The following ECHDC2 variants were observed in gnomAD, a reference collection of about 807,000 sequenced individuals.
ECHDC2 encodes enoyl-CoA hydratase domain-containing protein 2, mitochondrial.
Under a neutral mutation model 40.6 loss-of-function variants are expected in ECHDC2, and 34 were observed. That is an observed-to-expected ratio of 0.84 (90% CI 0.64 to 1.11). The LOEUF is 1.11. Among genes scored for constraint, ECHDC2 ranks in the 50% most tolerant of loss-of-function variants. The pLI is 0.00. For synonymous variants in ECHDC2, 162 were observed against 166.6 expected (o/e 0.97, Z 0.21); for missense variants, 392 against 400.7 (o/e 0.98, Z 0.19).
rs1646639485 is a variant in ECHDC2 at position 52,896,473 on chromosome 1, C to G, written c.*47G>C. On this transcript the variant is annotated 3_prime_UTR_variant, in exon 10 of 10. Transcript: ENST00000371522. ...TGGCCACAAATCTTCCTTCTGGATC[C>G]TGCTCTTCAGGGCATGCATCTCCCA... 1.4e-6 allele frequency: 2 copies of G among 1,471,874 alleles called. No individual in the cohort carries two copies. Among genetic ancestry groups the G allele is most frequent in the East Asian group, 4.5e-5 (2 of 44,198 alleles). The allele number at this position is 1,471,874 out of a possible 1,614,324, so 91.2% of individuals were successfully genotyped here.
chr1:52,917,555 C>A, intron 1 of ECHDC2: 1 of 456,040 alleles, frequency 2.2e-6, no homozygotes, highest in Non-Finnish European at 4.4e-6. Context: ...TTCAAATGAG[C>A]CCATGGGTAG....
intron 1 of ECHDC2, chr1:52,917,507 C>T (rs549387248): frequency 4.4e-6 from 2 of 453,768 alleles, no homozygotes; most frequent in South Asian, 1.6e-5. Context: ...GGAGCCAAGT[C>T]AGGGCACAGC....
At chr1:52,919,104 G>A (rs1462733758) in intron 1 of ECHDC2, among the ~76,000 whole-genome samples, 1 of 152,114 alleles carries the variant, frequency 6.6e-6, no homozygotes, top group African/African-American at 2.4e-5. Context: ...GATGATCTGA[G>A]GTGGAACAGT....
intron 3 of ECHDC2, among the ~76,000 whole-genome samples, chr1:52,910,631 A>C (rs1020279856): frequency 6.6e-6 from 1 of 152,118 alleles, no homozygotes; most frequent in African/African-American, 2.4e-5. Context: ...GGCCTCCCAA[A>C]GTGCTGGGAT....
At chr1:52,897,268 G>T in intron 9 of ECHDC2, 169 bp downstream of exon 9, 1 of 692,510 alleles carries the variant, frequency 1.4e-6, no homozygotes, top group East Asian at 2.6e-5. Context: ...CCAGAGAGAA[G>T]CACTATGGCT....
At chr1:52,905,305 G>A in intron 5 of ECHDC2, 2 of 582,408 alleles carry the variant, frequency 3.4e-6, no homozygotes. Flanking sequence ...CTTTGATGGA[G>A]TTGTAAGTCA....
Position 52,899,235 on chromosome 1 carries a change from G to A in ECHDC2, c.703-11C>T, listed in dbSNP as rs1275518085. 23 of 1,610,386 alleles carry A rather than the reference G, an allele frequency of 1.4e-5. No individual in the cohort carries two copies. Among genetic ancestry groups the A allele is most frequent in the Non-Finnish European group, 1.9e-5 (23 of 1,179,640 alleles). Reference sequence around the variant, plus strand: ...CACGGCAATGGGGGCCTAGGGAAAAGCAAAAAGTCTTGGTTGAGGAGGGCA... The same window carrying A: ...CACGGCAATGGGGGCCTAGGGAAAAACAAAAAGTCTTGGTTGAGGAGGGCA... On this transcript the variant is annotated splice_polypyrimidine_tract_variant and intron_variant, in intron 7 of 9. Coordinates refer to ENST00000371522, the MANE Select transcript of ECHDC2 (RefSeq NM_001198961.2).
rs771664696 is a variant in ECHDC2, at chr1:52,911,628, C to A, written c.215G>T (p.Arg72Leu). 1 of 1,614,156 alleles carries A rather than the reference C, an allele frequency of 6.2e-7. No homozygotes were observed. The highest frequency in any genetic ancestry group is 8.5e-7 in the Non-Finnish European group (1 of 1,180,028). ...CAGGACACGCACTTGCCGGTCCTCC[C>A]GCAGCTGGGCCAGAGTTTCCAGCAG... ...SELLETLAQL[R>L]EDRQVRVLLF... The change falls in exon 3 of 10, where the codon CGG becomes CTG. Residue 72 changes from arginine (R) to leucine (L), a missense_variant. Transcript: ENST00000371522.
intron 1 of ECHDC2, among the ~76,000 whole-genome samples, chr1:52,916,055 C>G (rs780291552): frequency 6.6e-6 from 1 of 152,148 alleles, no homozygotes; most frequent in Non-Finnish European, 1.5e-5. Context: ...AGATCTTTCC[C>G]GTCAAGCCTG....
At chr1:52,908,146 G>A (rs1462339554) in intron 3 of ECHDC2, among the ~76,000 whole-genome samples, 192 bp from the exon 4 acceptor site, 1 of 152,210 alleles carries the variant, frequency 6.6e-6, no homozygotes, top group Non-Finnish European at 1.5e-5. Context: ...CTGCAGAAAG[G>A]TGAACTGGAC....
rs899036136 is a variant in ECHDC2 at position 52,896,355 on chromosome 1, C to G, written c.*165G>C. ...GTAGCAGTAGGTGGTAGGATCAGCA[C>G]CTTGGTTCCAGGCATCACGCCAGTC... On this transcript the variant is annotated 3_prime_UTR_variant, in exon 10 of 10. Transcript: ENST00000371522. The G allele has an allele frequency of 1.5e-6, 1 of 649,566 alleles. No individual in the cohort carries two copies. Among genetic ancestry groups the G allele is most frequent in the African/African-American group, 1.8e-5 (1 of 55,798 alleles). 40.2% of individuals were successfully genotyped at this position (649,566 alleles called of 1,614,324 possible).
intron 1 of ECHDC2, chr1:52,915,380 C>T: frequency 2.2e-6 from 1 of 455,920 alleles, no homozygotes; most frequent in South Asian, 1.5e-5. Flanking sequence ...TCTGGGCTCT[C>T]AAGGGACAGG....
intron 7 of ECHDC2, chr1:52,900,376 T>G (rs757652289): frequency 2.0e-5 from 3 of 152,162 alleles, no homozygotes; most frequent in Non-Finnish European, 4.4e-5. Flanking sequence ...CAAACCTTTG[T>G]TTTGTTTTAT....
At chr1:52,897,145 C>T in intron 9 of ECHDC2, 1 of 500,372 alleles carries the variant, frequency 2.0e-6, no homozygotes, top group South Asian at 2.6e-5. Context: ...ACAGTGGCAT[C>T]TGATACAGAG....
At chr1:52,921,522 G>T (rs754048051) in intron 1 of ECHDC2, 31 bp downstream of exon 1, 4 of 1,597,552 alleles carry the variant, frequency 2.5e-6, no homozygotes, top group Non-Finnish European at 3.4e-6. Context: ...TCCCAGTCGC[G>T]TCATGCGCCG....
chr1:52,909,304 G>A (rs114672523), intron 3 of ECHDC2, among the ~76,000 whole-genome samples: 1,791 of 152,190 alleles, frequency 0.012, 25 homozygotes, highest in Middle Eastern at 0.065. Context: ...CTCCTTATCC[G>A]TAGGGGACTG....
Position 52,908,533 on chromosome 1 carries a change from C to T in ECHDC2, c.278-579G>A, listed in dbSNP as rs1242208. Among the ~76,000 whole-genome samples, 493 of 152,174 alleles carry T rather than the reference C, an allele frequency of 3.2e-3. 2 individuals are homozygous for T. Among genetic ancestry groups the T allele is most frequent in the African/African-American group, 0.011 (449 of 41,508 alleles). ...AAAAAAGAAAAAAAAGAAAAGACAA[C>T]ACACAGAATGGAAGAAAATATGTGT... On this transcript the variant is annotated intron_variant, in intron 3 of 9. Transcript: ENST00000371522.
chr1:52,911,733 A>G lies in ECHDC2; in HGVS notation c.179T>C (p.Phe60Ser), dbSNP rs1649568662. ...CCCGCCCTTTCTTACCTCACTGACG[A>G]AGACATTCCCCAAGGCATTGCGGGC... ...PSARNALGNV[F>S]VSELLETLAQ... The change falls in exon 2 of 10, where the codon TTC (phenylalanine) becomes TCC (serine). Residue 60 changes from phenylalanine to serine, a missense_variant. Phe to Ser is a radical substitution (Grantham distance 155). Coordinates refer to ENST00000371522, the MANE Select transcript of ECHDC2 (RefSeq NM_001198961.2). 6.2e-7 allele frequency: 1 copy of G among 1,613,798 alleles called. No individual in the cohort carries two copies.
intron 1 of ECHDC2, chr1:52,913,331 C>T (rs1489567702): frequency 6.6e-6 from 1 of 152,202 alleles, no homozygotes; most frequent in Admixed American, 6.5e-5. Flanking sequence ...CAGCAACAGC[C>T]AAGCTTCTTG....
Sources: allele counts gnomAD v4.1 joint callset (sites outside exome capture counted in the v4.1 genomes callset), GRCh38; gene constraint gnomAD v4.1.1; transcripts MANE v1.5; gene names NCBI Gene and HGNC (gene_info 2026-07-23, HGNC 2026-07-21).